ME3: variants seen among roughly 807,000 people sequenced by gnomAD.
The protein encoded by ME3 is NADP-dependent malic enzyme, mitochondrial.
In ME3, 48 loss-of-function variants were observed where a neutral mutation model predicts 68.9. That is an observed-to-expected ratio of 0.70 (90% CI 0.55 to 0.89). The LOEUF (loss-of-function observed/expected upper bound fraction) is 0.89, where lower values mean the gene tolerates loss of function less well. Ranked by LOEUF, ME3 falls within the 40% of genes least tolerant of loss-of-function variation. ME3 has a pLI of 0.00. For synonymous variants in ME3, 320 were observed against 318.8 expected, an observed-to-expected ratio of 1.00 and a Z score of -0.04; for missense variants, 675 against 797.4, an observed-to-expected ratio of 0.85 and a Z score of 1.85.
At chr11:86,554,067 A>G (rs993404648) in intron 4 of ME3, among the ~76,000 whole-genome samples, 1 of 152,250 alleles carries the variant, frequency 6.6e-6, no homozygotes, top group Non-Finnish European at 1.5e-5. Flanking sequence ...CATTAAATGC[A>G]TTAAGATATG....
At chr11:86,668,314 A>T (rs949284682) in intron 2 of ME3, 9 of 152,196 alleles carry the variant, frequency 5.9e-5, no homozygotes, top group African/African-American at 2.2e-4. Flanking sequence ...TCCACAGTAA[A>T]AATAGTCATT....
rs1024528380 is a variant in ME3, at chr11:86,584,514, T to A, written c.184-24691A>T. On this transcript the variant is annotated intron_variant, in intron 2 of 14. Coordinates refer to ENST00000543262, the Ensembl canonical transcript of ME3. Reference sequence around the variant, plus strand: ...CAAAATCTCAAAGAGGTATTAGCACTATTCACAATAGCCAAGATGTAGAAA... The same window carrying A: ...CAAAATCTCAAAGAGGTATTAGCACAATTCACAATAGCCAAGATGTAGAAA... Among the ~76,000 whole-genome samples, 3 of 152,236 alleles carry A rather than the reference T, an allele frequency of 2.0e-5. No individual in the cohort carries two copies. In the South Asian group the frequency reaches 6.2e-4, roughly 32 times the overall value.
At chr11:86,648,609 T>C (rs897042531) in intron 2 of ME3, among the ~76,000 whole-genome samples, 1 of 152,110 alleles carries the variant, frequency 6.6e-6, no homozygotes, top group Non-Finnish European at 1.5e-5. Flanking sequence ...CCTTTTCTTC[T>C]TTATTAATCT....
At chr11:86,545,546 A>T (rs984248714) in intron 4 of ME3, among the ~76,000 whole-genome samples, 1 of 152,198 alleles carries the variant, frequency 6.6e-6, no homozygotes, top group African/African-American at 2.4e-5. Flanking sequence ...GCAAATCATG[A>T]GTGAGCTCCC....
intron 2 of ME3, among the ~76,000 whole-genome samples, chr11:86,609,717 T>C (rs1432608684): frequency 6.6e-6 from 1 of 152,196 alleles, no homozygotes. Flanking sequence ...TACAAGAATA[T>C]TGATTACAAA....
intron 12 of ME3, 26 bp downstream of exon 12, chr11:86,447,039 G>C: frequency 6.2e-7 from 1 of 1,609,610 alleles, no homozygotes. Flanking sequence ...CCTCTCAGCC[G>C]GGGGAAGGAA....
chr11:86,549,598 A>AG, intron 4 of ME3, among the ~76,000 whole-genome samples: 1 of 152,340 alleles, frequency 6.6e-6, no homozygotes, highest in Middle Eastern at 3.4e-3. Flanking sequence ...CGGTTACCTA[A>AG]ATGATTAACC....
intron 4 of ME3, 46 bp downstream of exon 4, chr11:86,556,507 T>C: frequency 6.3e-7 from 1 of 1,586,942 alleles, no homozygotes; most frequent in Non-Finnish European, 8.6e-7. Context: ...TTTATTCCCC[T>C]CTATGAGGCA....
chr11:86,533,422 G>A (rs760770683), intron 4 of ME3, among the ~76,000 whole-genome samples: 8 of 152,108 alleles, frequency 5.3e-5, no homozygotes, highest in Non-Finnish European at 7.4e-5. Context: ...TGGCAACATA[G>A]TACCTGCCAA....
At chr11:86,642,668 C>T (rs1487102836) in intron 2 of ME3, among the ~76,000 whole-genome samples, 1 of 152,136 alleles carries the variant, frequency 6.6e-6, no homozygotes, top group East Asian at 1.9e-4. Flanking sequence ...ATGCCACTTG[C>T]ACTCCAGCCT....
intron 8 of ME3, chr11:86,457,870 G>A: frequency 1.8e-6 from 2 of 1,097,164 alleles, no homozygotes; most frequent in South Asian, 1.7e-5. Context: ...TAGCACAAAA[G>A]GACATGCTGA....
intron 2 of ME3, among the ~76,000 whole-genome samples, chr11:86,630,522 T>G (rs1029230010): frequency 1.6e-4 from 25 of 152,244 alleles, no homozygotes; most frequent in Non-Finnish European, 2.5e-4. Flanking sequence ...CCACAAGTGC[T>G]TTACACGCAA....
intron 4 of ME3, among the ~76,000 whole-genome samples, chr11:86,553,409 G>A (rs1199436030): frequency 2.6e-5 from 4 of 152,086 alleles, no homozygotes; most frequent in African/African-American, 4.8e-5. Context: ...TCTTGGCCTC[G>A]GGACTGTCCT....
chr11:86,490,854 A>T (rs915034666), intron 6 of ME3, among the ~76,000 whole-genome samples: 14 of 152,314 alleles, frequency 9.2e-5, no homozygotes, highest in Non-Finnish European at 4.4e-5. Context: ...GAATTTCTCA[A>T]TCCTGCATAT....
intron 7 of ME3, among the ~76,000 whole-genome samples, chr11:86,469,722 C>T (rs528382151): frequency 1.3e-5 from 2 of 152,304 alleles, no homozygotes; most frequent in Admixed American, 6.5e-5. Flanking sequence ...CCAAGCCACA[C>T]AGATAGCTTC....
chr11:86,503,238 A>G (rs553487570), intron 5 of ME3, among the ~76,000 whole-genome samples: 7 of 152,328 alleles, frequency 4.6e-5, no homozygotes, highest in African/African-American at 1.7e-4. Context: ...TAATCTATGT[A>G]GAGCACTTGG....
intron 2 of ME3, among the ~76,000 whole-genome samples, chr11:86,654,591 A>G (rs531753926): frequency 2.0e-5 from 3 of 152,352 alleles, no homozygotes; most frequent in East Asian, 1.9e-4. Flanking sequence ...TTGATGGGAC[A>G]TATCTCAAAA....
intron 4 of ME3, among the ~76,000 whole-genome samples, chr11:86,514,600 G>A (rs184211731): frequency 2.6e-5 from 4 of 152,348 alleles, no homozygotes; most frequent in Admixed American, 2.6e-4. Flanking sequence ...GGGGTTTAAT[G>A]TATGTGCTTT....
In ME3 at chr11:86,534,095, A is replaced by G. The variant is rs1415282317; in HGVS notation, c.467+22458T>C. ...TGTGTGTGTGTGTATATATATATAT[A>G]TATATATATATATATGTAAAATGGT... On this transcript the variant is annotated intron_variant, in intron 4 of 14. Transcript: ENST00000543262. 7.7e-3 allele frequency among the ~76,000 whole-genome samples: 1,156 copies of G among 149,626 alleles called. 14 individuals are homozygous for G. The highest frequency in any genetic ancestry group is 0.023 in the African/African-American group (935 of 40,916).
Sources: gnomAD v4.1 joint callset for allele counts (sites outside exome capture counted in the v4.1 genomes callset) on GRCh38, gnomAD v4.1.1 for gene constraint, MANE v1.5 for transcripts, NCBI Gene and HGNC (gene_info 2026-07-23, HGNC 2026-07-21) for gene names.